Variants in TMEM178A observed in about 807,000 individuals in gnomAD.
TMEM178A encodes transmembrane protein 178.
TMEM178A carries 12 observed loss-of-function variants against 29.1 expected under a neutral mutation model. The observed-to-expected ratio is 0.41, with a 90% CI of 0.26 to 0.67. The LOEUF is 0.67. Ranked by LOEUF, TMEM178A falls within the 30% of genes least tolerant of loss-of-function variation. The pLI is 0.29. For missense variants in TMEM178A, 366 were observed against 419.1 expected, an observed-to-expected ratio of 0.87 and a Z score of 1.11; for synonymous variants, 210 against 187.2, an observed-to-expected ratio of 1.12 and a Z score of -0.99.
intron 3 of TMEM178A, among the ~76,000 whole-genome samples, chr2:39,714,282 C>CGCTCA (rs1000474213): frequency 2.0e-5 from 3 of 151,956 alleles, no homozygotes; most frequent in Non-Finnish European, 4.4e-5. Flanking sequence ...CTCTCCACCA[C>CGCTCA]GCTCAGCTGA....
intron 1 of TMEM178A, among the ~76,000 whole-genome samples, chr2:39,667,840 T>A (rs555876789): frequency 1.2e-4 from 19 of 152,332 alleles, no homozygotes; most frequent in African/African-American, 4.3e-4. Flanking sequence ...TTTCTCCTCA[T>A]GAAGATGCTG....
At chr2:39,678,167 G>A (rs1300914059) in intron 1 of TMEM178A, among the ~76,000 whole-genome samples, 2 of 152,072 alleles carry the variant, frequency 1.3e-5, no homozygotes, top group Non-Finnish European at 2.9e-5. Flanking sequence ...AAAAATATCG[G>A]ATAGATTCCT....
chr2:39,673,770 T>C (rs1670500382), intron 1 of TMEM178A, among the ~76,000 whole-genome samples: 1 of 152,252 alleles, frequency 6.6e-6, no homozygotes, highest in Non-Finnish European at 1.5e-5. Flanking sequence ...GATGGGAGGC[T>C]ATACTGGGCT....
downstream of TMEM178A, among the ~76,000 whole-genome samples, chr2:39,719,882 C>A (rs2148124029): frequency 6.6e-6 from 1 of 152,138 alleles, no homozygotes; most frequent in South Asian, 2.1e-4. Flanking sequence ...ATAATAGCCC[C>A]CATAACATTT....
chr2:39,720,154 A>G (rs1672673506), downstream of TMEM178A, among the ~76,000 whole-genome samples: 1 of 152,226 alleles, frequency 6.6e-6, no homozygotes, highest in Admixed American at 6.5e-5. Context: ...TGCATTTCAT[A>G]CTTCACAACA....
chr2:39,683,454 GT>G (rs751491954), intron 1 of TMEM178A, among the ~76,000 whole-genome samples: 1 of 152,236 alleles, frequency 6.6e-6, no homozygotes, highest in Non-Finnish European at 1.5e-5. Context: ...CGGAAGAGAA[GT>G]AACATGCCCT....
chr2:39,667,766 T>C (rs552277591), intron 1 of TMEM178A, among the ~76,000 whole-genome samples: 27 of 152,210 alleles, frequency 1.8e-4, no homozygotes, highest in Non-Finnish European at 3.5e-4. Flanking sequence ...GGGAACCAGA[T>C]ACAGTAAAAT....
the TMEM178A span, among the ~76,000 whole-genome samples, chr2:39,734,897 C>T: frequency 1.1e-4 from 17 of 152,272 alleles, no homozygotes; most frequent in East Asian, 1.9e-3. Context: ...GTTCTACTTT[C>T]GAAATACATC....
chr2:39,692,356 G>A (rs974360015), intron 1 of TMEM178A, among the ~76,000 whole-genome samples: 2 of 152,204 alleles, frequency 1.3e-5, no homozygotes, highest in African/African-American at 4.8e-5. Context: ...TAACTATGTG[G>A]TGTGATGGAT....
the TMEM178A span, among the ~76,000 whole-genome samples, chr2:39,726,856 G>A: frequency 2.0e-5 from 3 of 152,112 alleles, no homozygotes; most frequent in African/African-American, 4.8e-5. Context: ...GTTTCATCTC[G>A]AGCAGGCAGT....
rs1417137431 is a variant in TMEM178A at position 39,666,369 on chromosome 2, T to C, written c.395T>C (p.Leu132Pro). 7.2e-7 allele frequency: 1 copy of C among 1,394,942 alleles called. No homozygotes were observed. 86.4% of individuals were successfully genotyped at this position (1,394,942 alleles called of 1,614,324 possible). A position where few individuals can be genotyped will look rare whatever the true frequency, so the allele number is the denominator to read the frequency against. ...GIDRDIDTLI[L>P]KGIAQRCTAI... ...GACCGGGACATCGACACCCTCATCC[T>C]GAAAGGTGAGCGGCGGGCGCACCCC... is the stretch of plus-strand genomic sequence containing the variant. Residue 132 changes from leucine to proline, a missense_variant, in exon 1 of 4, where the codon CTG becomes CCG. Leu to Pro is a moderately conservative substitution (Grantham distance 98). Coordinates refer to ENST00000281961, the MANE Select transcript of TMEM178A (RefSeq NM_152390.3).
At chr2:39,714,556 G>A (rs1004573916) in intron 3 of TMEM178A, among the ~76,000 whole-genome samples, 1 of 152,094 alleles carries the variant, frequency 6.6e-6, no homozygotes, top group Non-Finnish European at 1.5e-5. Context: ...CTGGCAACTT[G>A]GATAAAGAAA....
intron 3 of TMEM178A, among the ~76,000 whole-genome samples, chr2:39,714,376 T>C (rs750520241): frequency 2.6e-5 from 4 of 151,274 alleles, no homozygotes; most frequent in Non-Finnish European, 4.4e-5. Flanking sequence ...TTAACTGGCA[T>C]AGAGATAACA....
At chr2:39,687,684 AGT>A (rs1322214089) in intron 1 of TMEM178A, among the ~76,000 whole-genome samples, 1 of 152,214 alleles carries the variant, frequency 6.6e-6, no homozygotes, top group Non-Finnish European at 1.5e-5. Context: ...TTTCTGCTTC[AGT>A]GTGGGTAGAA....
chr2:39,706,118 G>A (rs1672019614), intron 2 of TMEM178A, among the ~76,000 whole-genome samples: 1 of 152,248 alleles, frequency 6.6e-6, no homozygotes, highest in Non-Finnish European at 1.5e-5. Context: ...TTTAGCAGTT[G>A]GAGGCAACTT....
chr2:39,668,694 G>C (rs1165567680), intron 1 of TMEM178A, among the ~76,000 whole-genome samples: 1 of 152,142 alleles, frequency 6.6e-6, no homozygotes, highest in Non-Finnish European at 1.5e-5. Context: ...TAGATTATAG[G>C]ATCATAATTT....
chr2:39,685,702 T>A (rs1671047630), intron 1 of TMEM178A, among the ~76,000 whole-genome samples: 2 of 152,300 alleles, frequency 1.3e-5, no homozygotes, highest in Middle Eastern at 3.4e-3. Flanking sequence ...TACTTGGAAT[T>A]CCAATGAGAT....
chr2:39,727,270 G>A, the TMEM178A span, among the ~76,000 whole-genome samples: 1 of 152,164 alleles, frequency 6.6e-6, no homozygotes, highest in African/African-American at 2.4e-5. Context: ...CCCAGAACCT[G>A]ACATGGAGCA....
intron 1 of TMEM178A, chr2:39,698,134 C>T (rs1671630354): frequency 6.6e-6 from 1 of 152,200 alleles, no homozygotes; most frequent in African/African-American, 2.4e-5. Flanking sequence ...TGTAGCAACT[C>T]TAGCTTAACT....
Sources: gnomAD v4.1 joint callset for allele counts (sites outside exome capture counted in the v4.1 genomes callset) on GRCh38, gnomAD v4.1.1 for gene constraint, MANE v1.5 for transcripts, NCBI Gene and HGNC (gene_info 2026-07-23, HGNC 2026-07-21) for gene names.